The following SUPT3H variants were observed in gnomAD, a reference collection of about 807,000 sequenced individuals.
SUPT3H encodes the protein SPT3 homolog, SAGA and STAGA complex component.
In SUPT3H, 44 loss-of-function variants were observed where a neutral mutation model predicts 44.3. The observed-to-expected ratio is 0.99, with a 90% CI of 0.78 to 1.28. The LOEUF (loss-of-function observed/expected upper bound fraction) is 1.28. Among genes scored for constraint, SUPT3H ranks in the 50% most tolerant of loss-of-function variants. SUPT3H has a pLI of 0.00. For missense variants in SUPT3H, 380 were observed against 387.1 expected (o/e 0.98, Z 0.15); for synonymous variants, 124 against 125.6 (o/e 0.99, Z 0.09).
chr6:45,259,941 G>A (rs900512146), intron 2 of SUPT3H, among the ~76,000 whole-genome samples: 1 of 152,022 alleles, frequency 6.6e-6, no homozygotes, highest in Non-Finnish European at 1.5e-5. Context: ...TTTTTCTCTT[G>A]TGTTAACACA....
chr6:45,304,981 T>C (rs1188150186), intron 2 of SUPT3H, among the ~76,000 whole-genome samples: 1 of 152,244 alleles, frequency 6.6e-6, no homozygotes, highest in African/African-American at 2.4e-5. Flanking sequence ...GATCTTCTTT[T>C]TGAATACATA....
chr6:45,300,802 G>A (rs552937584), intron 2 of SUPT3H, among the ~76,000 whole-genome samples: 1 of 141,856 alleles, frequency 7.0e-6, no homozygotes, highest in Admixed American at 7.3e-5. Flanking sequence ...GAAAGTGGGG[G>A]TGGGTGTTAG....
At chr6:44,858,472 T>C (rs1237238732) in intron 10 of SUPT3H, among the ~76,000 whole-genome samples, 1 of 152,184 alleles carries the variant, frequency 6.6e-6, no homozygotes, top group Non-Finnish European at 1.5e-5. Flanking sequence ...TTGCATTGCT[T>C]TGTTTTGGTA....
intron 2 of SUPT3H, among the ~76,000 whole-genome samples, chr6:45,173,247 ATAAACT>A (rs1231922858): frequency 4.6e-5 from 7 of 152,246 alleles, no homozygotes; most frequent in African/African-American, 1.7e-4. Flanking sequence ...TAAATCTTAC[ATAAACT>A]TAAACAGAAC....
At chr6:45,025,562 T>A (rs1419835140) in intron 3 of SUPT3H, among the ~76,000 whole-genome samples, 3 of 152,160 alleles carry the variant, frequency 2.0e-5, no homozygotes, top group Non-Finnish European at 2.9e-5. Flanking sequence ...CACAAAGATT[T>A]CTCTAAAGTT....
Position 44,937,503 on chromosome 6 carries a change from A to C in SUPT3H, c.802-4740T>G, listed in dbSNP as rs1333957343. ...AGTGAGACACTGTCTCAAAAAAAAA[A>C]ACCGTACTGTTTTCAATAGAAGTTG... On this transcript the variant is annotated intron_variant, in intron 9 of 10. Coordinates refer to ENST00000371459, the MANE Select transcript of SUPT3H (RefSeq NM_003599.4). Among the ~76,000 whole-genome samples, 10 of 152,156 alleles carry C rather than the reference A, an allele frequency of 6.6e-5. No individual in the cohort carries two copies. In the East Asian group the frequency reaches 1.7e-3, roughly 27 times the overall value.
intron 2 of SUPT3H, among the ~76,000 whole-genome samples, chr6:45,173,518 C>A (rs6917817): frequency 6.6e-6 from 1 of 152,210 alleles, no homozygotes; most frequent in African/African-American, 2.4e-5. Context: ...ATCAGGTTTA[C>A]CAAATTCCAG....
At position 44,829,848 on chromosome 6, in the gene SUPT3H, G is replaced by T; in HGVS notation, c.922C>A (p.Arg308Ser). ...GPLSPFTNAY[R>S]RNGMAFLAC is the part of the protein sequence containing the mutation. ...GCTAGAAAAGCCATCCCATTCCTGC[G>T]GTAGGCATTCTGTCAAAGAAAAAGA... Residue 308 changes from arginine (R) to serine (S), a missense_variant, in exon 11 of 11, where the codon CGC becomes AGC. Transcript: ENST00000371459. 2.5e-6 allele frequency: 4 copies of T among 1,613,048 alleles called. No homozygotes were observed. Among genetic ancestry groups the T allele is most frequent in the Non-Finnish European group, 3.4e-6 (4 of 1,179,196 alleles).
At chr6:44,885,783 T>A (rs1762164228) in intron 10 of SUPT3H, among the ~76,000 whole-genome samples, 1 of 152,100 alleles carries the variant, frequency 6.6e-6, no homozygotes, top group Non-Finnish European at 1.5e-5. Flanking sequence ...TTTGACGAGT[T>A]GAGAGAAGAA....
In SUPT3H at chr6:45,281,603, C is replaced by T. The variant is rs145756962; in HGVS notation, c.101+83598G>A. Among the ~76,000 whole-genome samples the T allele has an allele frequency of 1.8e-3, 267 of 152,326 alleles. 1 individual carries two copies. Among genetic ancestry groups the T allele is most frequent in the Middle Eastern group, 0.014 (4 of 294 alleles). ...AAACAAAGCAGCCGGGAAGCTCAAA[C>T]TGGATGGAGCCCAGCACAGCTCAAG... On this transcript the variant is annotated intron_variant, in intron 2 of 10. Coordinates refer to ENST00000371459, the MANE Select transcript of SUPT3H (RefSeq NM_003599.4).
chr6:45,186,561 T>A (rs1219230457), intron 2 of SUPT3H, among the ~76,000 whole-genome samples: 1 of 152,150 alleles, frequency 6.6e-6, no homozygotes, highest in African/African-American at 2.4e-5. Flanking sequence ...CAGGCTCAGA[T>A]AGTTTCACAG....
chr6:44,938,142 T>C (rs1300467426), intron 9 of SUPT3H, among the ~76,000 whole-genome samples: 2 of 151,978 alleles, frequency 1.3e-5, no homozygotes, highest in African/African-American at 4.8e-5. Context: ...CATGAATTCT[T>C]CACCTAGACC....
intron 10 of SUPT3H, among the ~76,000 whole-genome samples, chr6:44,867,977 T>TC (rs1775767796): frequency 1.3e-5 from 2 of 151,772 alleles, no homozygotes; most frequent in Admixed American, 6.6e-5. Flanking sequence ...TTTTTTTTTT[T>TC]TCTCCCATGC....
chr6:44,945,176 G>C (rs1343656724), intron 9 of SUPT3H, among the ~76,000 whole-genome samples: 1 of 152,080 alleles, frequency 6.6e-6, no homozygotes, highest in Non-Finnish European at 1.5e-5. Flanking sequence ...GTATTCATAT[G>C]AGATAGCAAA....
chr6:44,976,078 C>T (rs1004078969), intron 6 of SUPT3H, among the ~76,000 whole-genome samples: 7 of 152,216 alleles, frequency 4.6e-5, no homozygotes, highest in South Asian at 4.2e-4. Context: ...GTTGTTTTCA[C>T]GAATCAGAAA....
chr6:45,293,271 A>G (rs1274363163), intron 2 of SUPT3H, among the ~76,000 whole-genome samples: 1 of 152,208 alleles, frequency 6.6e-6, no homozygotes, highest in Non-Finnish European at 1.5e-5. Flanking sequence ...TGGAATTTAA[A>G]AAATTCTTTG....
At chr6:45,333,318 T>G (rs1477740339) in intron 2 of SUPT3H, among the ~76,000 whole-genome samples, 1 of 151,616 alleles carries the variant, frequency 6.6e-6, no homozygotes, top group Non-Finnish European at 1.5e-5. Flanking sequence ...CAAGCTTTTG[T>G]CCATTCAACA....
intron 3 of SUPT3H, among the ~76,000 whole-genome samples, chr6:45,028,644 C>T (rs986503659): frequency 4.6e-5 from 7 of 151,360 alleles, no homozygotes; most frequent in African/African-American, 1.5e-4. Flanking sequence ...TTATCCTATG[C>T]TTCATGTCTT....
intron 2 of SUPT3H, among the ~76,000 whole-genome samples, chr6:45,306,139 C>G (rs1782959609): frequency 6.6e-6 from 1 of 152,188 alleles, no homozygotes; most frequent in African/African-American, 2.4e-5. Flanking sequence ...TCCACAAGTA[C>G]CCAGGCTTCA....
Sources: allele counts gnomAD v4.1 joint callset (sites outside exome capture counted in the v4.1 genomes callset), GRCh38; gene constraint gnomAD v4.1.1; transcripts MANE v1.5; gene names NCBI Gene and HGNC (gene_info 2026-07-23, HGNC 2026-07-21).